The following ROBO2 variants were observed in gnomAD, a reference collection of about 807,000 sequenced individuals.
ROBO2 encodes the protein roundabout guidance receptor 2.
A neutral mutation model predicts 160.8 loss-of-function variants in ROBO2; 53 were observed. The ratio of observed to expected loss-of-function variants is 0.33; its 90% CI spans 0.26 to 0.41. ROBO2 has a LOEUF of 0.41. ROBO2 is among the 10% of genes least tolerant of loss of function. The pLI is 1.00. For missense variants in ROBO2, 1,577 were observed against 1,722.4 expected, an observed-to-expected ratio of 0.92 and a Z score of 1.49; for synonymous variants, 664 against 611.7, an observed-to-expected ratio of 1.09 and a Z score of -1.26.
chr3:76,849,854 A>G (rs1291642090), intron 2 of ROBO2, among the ~76,000 whole-genome samples: 1 of 152,172 alleles, frequency 6.6e-6, no homozygotes. Flanking sequence ...TTTAGAAATC[A>G]CTTATTCTGT....
At chr3:76,798,140 G>GA (rs751178223) in intron 2 of ROBO2, among the ~76,000 whole-genome samples, 12 of 115,674 alleles carry the variant, frequency 1.0e-4, no homozygotes, top group African/African-American at 4.1e-4. Flanking sequence ...AAAGAAGAAA[G>GA]AGAAAGAAAG....
chr3:75,913,183 C>T (rs1247849621), intron 1 of ROBO2, among the ~76,000 whole-genome samples: 1 of 152,086 alleles, frequency 6.6e-6, no homozygotes, highest in African/African-American at 2.4e-5. Flanking sequence ...ATTTCTGTTC[C>T]TTTCTCCGCA....
At chr3:76,444,233 C>T (rs1443066675) in intron 2 of ROBO2, among the ~76,000 whole-genome samples, 1 of 152,088 alleles carries the variant, frequency 6.6e-6, no homozygotes, top group Non-Finnish European at 1.5e-5. Context: ...CCGCCTTGGC[C>T]TCCAAAAGTG....
At chr3:76,484,102 A>AATG (rs1243572705) in intron 2 of ROBO2, among the ~76,000 whole-genome samples, 3 of 152,156 alleles carry the variant, frequency 2.0e-5, no homozygotes, top group Non-Finnish European at 4.4e-5. Context: ...TGCTGTGTCG[A>AATG]ATGATATTTC....
chr3:77,547,800 C>T (rs2092756447), intron 7 of ROBO2, among the ~76,000 whole-genome samples: 1 of 152,070 alleles, frequency 6.6e-6, no homozygotes. Flanking sequence ...TGTTCCAGGC[C>T]TTAACTCTCA....
chr3:77,017,020 C>T (rs961767621), intron 2 of ROBO2, among the ~76,000 whole-genome samples: 1 of 152,162 alleles, frequency 6.6e-6, no homozygotes, highest in Non-Finnish European at 1.5e-5. Flanking sequence ...CTAAATGCTT[C>T]AACAACATCA....
intron 16 of ROBO2, among the ~76,000 whole-genome samples, chr3:77,581,667 G>T (rs1359556268): frequency 6.6e-6 from 1 of 152,040 alleles, no homozygotes; most frequent in Non-Finnish European, 1.5e-5. Context: ...TATTAAATAT[G>T]GAGACTTATT....
rs577598145 is a variant in ROBO2 at position 76,965,646 on chromosome 3, A to C, written c.110-132368A>C. Among the ~76,000 whole-genome samples the C allele has an allele frequency of 1.1e-4, 16 of 149,978 alleles. No homozygotes were observed. The South Asian group carries it at 3.4e-3, about 32-fold the overall frequency. ...AAGCAAATTAACTTCTCTGTCTTCT[A>C]GTTCTCATATATCTATCAAAGGTAA... On this transcript the variant is annotated intron_variant, in intron 2 of 26. Transcript: ENST00000487694.
intron 2 of ROBO2, among the ~76,000 whole-genome samples, chr3:76,140,953 A>G (rs1449658809): frequency 2.0e-5 from 3 of 146,912 alleles, no homozygotes; most frequent in Non-Finnish European, 4.5e-5. Flanking sequence ...GAGAGATATG[A>G]CTGTTACCAA....
chr3:77,389,379 C>T (rs1419573746), intron 2 of ROBO2, among the ~76,000 whole-genome samples: 1 of 151,996 alleles, frequency 6.6e-6, no homozygotes, highest in Non-Finnish European at 1.5e-5. Context: ...TTGTACTAGC[C>T]ACATTTTAAC....
In ROBO2 at chr3:76,987,705, A is replaced by C. The variant is rs562794080; in HGVS notation, c.110-110309A>C. On this transcript the variant is annotated intron_variant, in intron 2 of 26. Coordinates refer to the ROBO2 transcript ENST00000487694. Reference sequence around the variant, plus strand: ...ATTTGTTTCTTTAATACCCCCTTTCAAAACGACCCATCAGTTCTCATAGAT... The same window carrying C: ...ATTTGTTTCTTTAATACCCCCTTTCCAAACGACCCATCAGTTCTCATAGAT... Among the ~76,000 whole-genome samples, 14 of 152,266 alleles carry C rather than the reference A, an allele frequency of 9.2e-5. No individual in the cohort carries two copies. In the South Asian group the frequency reaches 2.9e-3, roughly 32 times the overall value.
At chr3:76,013,585 G>A (rs1045277153) in intron 2 of ROBO2, among the ~76,000 whole-genome samples, 3 of 151,662 alleles carry the variant, frequency 2.0e-5, no homozygotes, top group Non-Finnish European at 2.9e-5. Context: ...GGGCACGGTG[G>A]TTTGTGCGTG....
At chr3:75,925,056 A>G (rs1186421373) in intron 1 of ROBO2, among the ~76,000 whole-genome samples, 3 of 151,880 alleles carry the variant, frequency 2.0e-5, no homozygotes, top group Admixed American at 6.6e-5. Flanking sequence ...TAAGTGTTCT[A>G]TTTTGTGAAG....
At chr3:76,669,571 C>T (rs1409572934) in intron 2 of ROBO2, among the ~76,000 whole-genome samples, 1 of 152,042 alleles carries the variant, frequency 6.6e-6, no homozygotes, top group Non-Finnish European at 1.5e-5. Context: ...CTGCCTGCCC[C>T]CTTCCTTTAT....
intron 2 of ROBO2, among the ~76,000 whole-genome samples, chr3:76,044,963 T>C (rs1209630223): frequency 1.3e-5 from 2 of 152,040 alleles, no homozygotes; most frequent in Admixed American, 1.3e-4. Flanking sequence ...TTTGAAAAAC[T>C]GATAGGGGCC....
At chr3:77,155,309 T>C (rs1234349026) in intron 2 of ROBO2, among the ~76,000 whole-genome samples, 1 of 152,000 alleles carries the variant, frequency 6.6e-6, no homozygotes, top group Non-Finnish European at 1.5e-5. Context: ...GAGATTATCT[T>C]GAATCATCCA....
chr3:75,995,576 A>T (rs1207342742), intron 2 of ROBO2, among the ~76,000 whole-genome samples: 1 of 152,118 alleles, frequency 6.6e-6, no homozygotes, highest in Non-Finnish European at 1.5e-5. Context: ...GAAGGGAAAC[A>T]TGGGGTTGGA....
At chr3:77,263,350 C>T (rs1223696030) in intron 2 of ROBO2, among the ~76,000 whole-genome samples, 1 of 151,974 alleles carries the variant, frequency 6.6e-6, no homozygotes, top group Non-Finnish European at 1.5e-5. Context: ...ATTTCATCAC[C>T]CAAATATTAG....
At chr3:75,991,314 C>G (rs953864231) in intron 2 of ROBO2, among the ~76,000 whole-genome samples, 19 of 152,216 alleles carry the variant, frequency 1.2e-4, no homozygotes, top group South Asian at 4.1e-4. Context: ...ATTGTAACTC[C>G]TACAATTCTT....
Sources: allele counts gnomAD v4.1 joint callset (sites outside exome capture counted in the v4.1 genomes callset), GRCh38; gene constraint gnomAD v4.1.1; transcripts MANE v1.5; gene names NCBI Gene and HGNC (gene_info 2026-07-23, HGNC 2026-07-21).